Variants in WWOX observed in about 807,000 individuals in gnomAD.
The protein encoded by WWOX is WW domain-containing oxidoreductase.
WWOX carries 69 observed loss-of-function variants against 46.2 expected under a neutral mutation model. The observed-to-expected ratio is 1.49, with a 90% CI of 1.23 to 1.82. The LOEUF is 1.82. WWOX is among the 40% of genes most tolerant of loss of function. WWOX has a pLI of 0.00. For missense variants in WWOX, 919 were observed against 542.6 expected, an observed-to-expected ratio of 1.69 and a Z score of -6.89; for synonymous variants, 359 against 202.6, an observed-to-expected ratio of 1.77 and a Z score of -6.56.
chr16:78,334,554 T>A (rs1044290393), intron 5 of WWOX, among the ~76,000 whole-genome samples: 1 of 152,210 alleles, frequency 6.6e-6, no homozygotes, highest in African/African-American at 2.4e-5. Context: ...GCCATCATTC[T>A]GTTCAATTAT....
chr16:78,143,862 A>G (rs762411392), intron 4 of WWOX, among the ~76,000 whole-genome samples: 6 of 151,200 alleles, frequency 4.0e-5, no homozygotes, highest in Non-Finnish European at 5.9e-5. Context: ...TTTAAACATT[A>G]AAATGTTTAA....
At chr16:78,770,354 C>CA (rs143690242) in intron 8 of WWOX, among the ~76,000 whole-genome samples, 38,885 of 148,952 alleles carry the variant, frequency 0.26, 5,497 homozygotes, top group South Asian at 0.36. Flanking sequence ...CTGTCTCAAA[C>CA]AAAAAAAAAA....
chr16:78,747,109 C>CA (rs1403630983), intron 8 of WWOX, among the ~76,000 whole-genome samples: 1 of 152,076 alleles, frequency 6.6e-6, no homozygotes, highest in Non-Finnish European at 1.5e-5. Flanking sequence ...CTGGGACCCA[C>CA]AGAGCCTATA....
chr16:78,447,013 G>C (rs1224927991), intron 8 of WWOX, among the ~76,000 whole-genome samples: 1 of 152,100 alleles, frequency 6.6e-6, no homozygotes, highest in Non-Finnish European at 1.5e-5. Flanking sequence ...TGTTATACTG[G>C]AAGGTCATGA....
chr16:78,649,776 T>C (rs1466505814), intron 8 of WWOX, among the ~76,000 whole-genome samples: 1 of 152,234 alleles, frequency 6.6e-6, no homozygotes, highest in African/African-American at 2.4e-5. Context: ...ATTTAACCCT[T>C]AGGAAAACCT....
chr16:78,547,127 G>GAAAAAAAAAAAAAA (rs199726097), intron 8 of WWOX, among the ~76,000 whole-genome samples: 10 of 87,500 alleles, frequency 1.1e-4, no homozygotes, highest in African/African-American at 2.7e-4. Context: ...CCTTGTCTCA[G>GAAAAAAAAAAAAAA]AAAAAAAAAA....
At chr16:79,034,950 C>G (rs190405930) in intron 8 of WWOX, among the ~76,000 whole-genome samples, 1 of 152,082 alleles carries the variant, frequency 6.6e-6, no homozygotes, top group South Asian at 2.1e-4. Flanking sequence ...TATTGAAAGA[C>G]AGTAAAGGCA....
Position 79,074,316 on chromosome 16 carries a change from C to T in WWOX, c.1057-137292C>T, listed in dbSNP as rs2048609284. 2.0e-5 allele frequency among the ~76,000 whole-genome samples: 3 copies of T among 150,912 alleles called. No individual in the cohort carries two copies. In the South Asian group the frequency reaches 6.3e-4, roughly 32 times the overall value. On this transcript the variant is annotated intron_variant, in intron 8 of 8. Coordinates refer to ENST00000566780, the MANE Select transcript of WWOX (RefSeq NM_016373.4). ...ATGGTTGGCTGTCACCCCCATTTCC[C>T]ACACTTTAAATGAGAGAAGTAAACA... is the stretch of plus-strand genomic sequence containing the variant.
chr16:78,862,894 A>G (rs1321952363), intron 8 of WWOX, among the ~76,000 whole-genome samples: 1 of 152,026 alleles, frequency 6.6e-6, no homozygotes, highest in Non-Finnish European at 1.5e-5. Flanking sequence ...TTAACATAAT[A>G]TCTGGGTATC....
intron 5 of WWOX, among the ~76,000 whole-genome samples, chr16:78,305,814 C>A (rs2080124713): frequency 6.6e-6 from 1 of 152,108 alleles, no homozygotes; most frequent in African/African-American, 2.4e-5. Flanking sequence ...TCATTATTAA[C>A]CTTGTGGCAC....
At chr16:78,871,771 T>A (rs1364673772) in intron 8 of WWOX, among the ~76,000 whole-genome samples, 2 of 152,152 alleles carry the variant, frequency 1.3e-5, no homozygotes, top group African/African-American at 4.8e-5. Flanking sequence ...ACCTAATTTT[T>A]TGTATCTTTT....
At chr16:79,034,738 T>C (rs1200809385) in intron 8 of WWOX, among the ~76,000 whole-genome samples, 2 of 152,188 alleles carry the variant, frequency 1.3e-5, no homozygotes, top group African/African-American at 4.8e-5. Flanking sequence ...GATCAGAGCA[T>C]ACCTGCCGTG....
At chr16:78,910,944 C>G (rs1444375151) in intron 8 of WWOX, among the ~76,000 whole-genome samples, 3 of 151,998 alleles carry the variant, frequency 2.0e-5, no homozygotes, top group African/African-American at 7.2e-5. Context: ...GCCTTTCCAT[C>G]ATGTTTACAT....
chr16:78,889,081 C>A (rs963919697), intron 8 of WWOX, among the ~76,000 whole-genome samples: 1 of 152,132 alleles, frequency 6.6e-6, no homozygotes, highest in Non-Finnish European at 1.5e-5. Context: ...TCTTTGAATT[C>A]AACTCAGAGG....
intron 8 of WWOX, among the ~76,000 whole-genome samples, chr16:78,710,603 A>G (rs555862649): frequency 9.0e-4 from 133 of 147,224 alleles, no homozygotes; most frequent in African/African-American, 3.3e-3. Flanking sequence ...AAATATATAC[A>G]TATATGTGTA....
intron 8 of WWOX, chr16:78,825,936 C>G (rs576800253): frequency 2.6e-4 from 212 of 813,660 alleles, no homozygotes; most frequent in South Asian, 2.6e-4. Flanking sequence ...GTGCCCACCA[C>G]TCCCATCTCA....
chr16:78,296,967 T>C (rs541808056), intron 5 of WWOX, among the ~76,000 whole-genome samples: 1 of 152,320 alleles, frequency 6.6e-6, no homozygotes, highest in African/African-American at 2.4e-5. Flanking sequence ...AAGAAATCTT[T>C]TGCTTATTTG....
At chr16:78,567,214 G>A (rs1003490823) in intron 8 of WWOX, among the ~76,000 whole-genome samples, 3 of 152,162 alleles carry the variant, frequency 2.0e-5, no homozygotes, top group African/African-American at 7.2e-5. Context: ...TCCCAAAGCT[G>A]AGCTGCCTGC....
chr16:78,243,848 A>G (rs181869333), intron 5 of WWOX, among the ~76,000 whole-genome samples: 18 of 152,244 alleles, frequency 1.2e-4, no homozygotes, highest in Non-Finnish European at 2.4e-4. Flanking sequence ...CACCTGGCCT[A>G]TTGTTCCCTT....
Sources: allele counts gnomAD v4.1 joint callset (sites outside exome capture counted in the v4.1 genomes callset), GRCh38; gene constraint gnomAD v4.1.1; transcripts MANE v1.5; gene names NCBI Gene and HGNC (gene_info 2026-07-23, HGNC 2026-07-21).